The following LIPJ variants were observed in gnomAD, a reference collection of about 807,000 sequenced individuals.
LIPJ encodes lipase family member J.
Under a neutral mutation model 39.8 loss-of-function variants are expected in LIPJ, and 33 were observed. That is an observed-to-expected ratio of 0.83 (90% CI 0.63 to 1.11). The LOEUF is 1.11. LIPJ is among the 50% of genes least tolerant of loss of function. The probability of loss-of-function intolerance (pLI) is 0.00; values close to 1 mark genes in which losing one functional copy is unlikely to be tolerated. For synonymous variants in LIPJ, 128 were observed against 139.2 expected (o/e 0.92, Z 0.57); for missense variants, 422 against 427.9 (o/e 0.99, Z 0.12).
chr10:88,595,923 A>C (rs931352601), intron 6 of LIPJ, among the ~76,000 whole-genome samples: 1 of 151,582 alleles, frequency 6.6e-6, no homozygotes. Context: ...TGTCACCTAA[A>C]TTATAAGATT....
intron 2 of LIPJ, among the ~76,000 whole-genome samples, chr10:88,589,950 G>A (rs1341991466): frequency 4.0e-5 from 6 of 151,750 alleles, no homozygotes; most frequent in Non-Finnish European, 7.4e-5. Context: ...ATGTCCTTCT[G>A]AGTATAGTGG....
chr10:88,614,741 A>G, the LIPJ span, among the ~76,000 whole-genome samples: 1 of 152,148 alleles, frequency 6.6e-6, no homozygotes, highest in Non-Finnish European at 1.5e-5. Context: ...AGTGAAGAAA[A>G]TTGTTTTCAA....
intron 6 of LIPJ, among the ~76,000 whole-genome samples, chr10:88,595,345 T>A (rs2134554634): frequency 6.6e-6 from 1 of 151,866 alleles, no homozygotes; most frequent in Middle Eastern, 3.4e-3. Flanking sequence ...CATGGTACTG[T>A]AAACCTCTTT....
chr10:88,609,859 A>ACTGCACTC (rs1716409160), downstream of LIPJ, among the ~76,000 whole-genome samples: 1 of 146,206 alleles, frequency 6.8e-6, no homozygotes, highest in African/African-American at 2.5e-5. Context: ...AGATCATGCC[A>ACTGCACTC]CTGCACTCCA....
At chr10:88,589,498 T>A (rs560244014) in intron 2 of LIPJ, among the ~76,000 whole-genome samples, 10 of 151,912 alleles carry the variant, frequency 6.6e-5, no homozygotes, top group Non-Finnish European at 1.5e-4. Flanking sequence ...ATACCAAATA[T>A]AAATACCTGG....
chr10:88,609,049 C>T (rs528063371), downstream of LIPJ, among the ~76,000 whole-genome samples: 7 of 152,272 alleles, frequency 4.6e-5, no homozygotes, highest in African/African-American at 1.4e-4. Context: ...CAGGCCTGCT[C>T]CCCCCTGTGG....
intron 8 of LIPJ, among the ~76,000 whole-genome samples, chr10:88,597,561 G>A (rs1014269947): frequency 6.6e-6 from 1 of 151,866 alleles, no homozygotes. Flanking sequence ...GTTGGTTCTT[G>A]TACCTGGACC....
intron 8 of LIPJ, among the ~76,000 whole-genome samples, chr10:88,600,195 G>C (rs1025003070): frequency 1.3e-5 from 2 of 152,090 alleles, no homozygotes; most frequent in African/African-American, 4.8e-5. Flanking sequence ...GGGATACACT[G>C]AATTTCTTTC....
At chr10:88,587,489 T>A (rs1021958456) in intron 2 of LIPJ, 97 bp downstream of exon 2, 1 of 152,138 alleles carries the variant, frequency 6.6e-6, no homozygotes, top group Non-Finnish European at 1.5e-5. Context: ...TCAAGTCATC[T>A]TTTAGGAAAT....
upstream of LIPJ, chr10:88,583,289 T>C: frequency 7.1e-6 from 11 of 1,540,402 alleles, no homozygotes; most frequent in Non-Finnish European, 9.6e-6. Flanking sequence ...CGCTCTTTGG[T>C]TCCGTGCTCC....
At chr10:88,598,146 A>C (rs1432256290) in intron 8 of LIPJ, among the ~76,000 whole-genome samples, 2 of 151,984 alleles carry the variant, frequency 1.3e-5, no homozygotes, top group African/African-American at 2.4e-5. Context: ...GGAAATAGTT[A>C]ATTGTGAAAC....
chr10:88,621,283 G>A, the LIPJ span, among the ~76,000 whole-genome samples: 1 of 152,132 alleles, frequency 6.6e-6, no homozygotes, highest in African/African-American at 2.4e-5. Context: ...ACTGGTGAGT[G>A]ATAAACAGAG....
chr10:88,595,057 G>A lies in LIPJ; in HGVS notation c.439+281G>A, dbSNP rs570932197. ...TATCTATGTTATTTAAGATCAAAGT[G>A]AGATTGCCACTATTATTTGTTCTAC... is the stretch of plus-strand genomic sequence containing the variant. On this transcript the variant is annotated intron_variant, in intron 6 of 10. Transcript: ENST00000371939. Among the ~76,000 whole-genome samples, 61 of 151,886 alleles carry A rather than the reference G, an allele frequency of 4.0e-4. No homozygotes were observed. In the South Asian group the frequency reaches 0.012, roughly 31 times the overall value.
intron 2 of LIPJ, among the ~76,000 whole-genome samples, chr10:88,589,157 A>G (rs551478880): frequency 6.6e-6 from 1 of 152,046 alleles, no homozygotes; most frequent in Admixed American, 6.6e-5. Flanking sequence ...AATGCAAAGC[A>G]TCTTAAAACC....
the LIPJ span, among the ~76,000 whole-genome samples, chr10:88,613,871 TTA>T: frequency 1.4e-4 from 20 of 146,234 alleles, no homozygotes; most frequent in East Asian, 2.4e-3. Context: ...TATATGTATC[TTA>T]TATATGTTAC....
the LIPJ span, among the ~76,000 whole-genome samples, chr10:88,612,343 T>C: frequency 1.3e-5 from 2 of 152,066 alleles, no homozygotes; most frequent in South Asian, 4.1e-4. Context: ...ACCTGTATAA[T>C]AATAACACAA....
At chr10:88,591,481 A>G in exon 4 of LIPJ, 1 of 1,597,798 alleles carries the variant, frequency 6.3e-7, no homozygotes, top group Non-Finnish European at 8.5e-7. Context: ...TGGAGGACAG[A>G]CAATAATAAA....
chr10:88,599,815 G>A (rs1851409609), intron 8 of LIPJ, among the ~76,000 whole-genome samples: 1 of 150,784 alleles, frequency 6.6e-6, no homozygotes, highest in Admixed American at 6.6e-5. Flanking sequence ...TATGTCTTCA[G>A]TTATAGTATT....
intron 6 of LIPJ, 104 bp from the exon 7 acceptor site, chr10:88,596,176 C>A: frequency 1.3e-6 from 1 of 746,948 alleles, no homozygotes; most frequent in Non-Finnish European, 1.9e-6. Context: ...GTTAATTGTT[C>A]AGAAACTATT....
Sources: gnomAD v4.1 joint callset for allele counts (sites outside exome capture counted in the v4.1 genomes callset) on GRCh38, gnomAD v4.1.1 for gene constraint, MANE v1.5 for transcripts, NCBI Gene and HGNC (gene_info 2026-07-23, HGNC 2026-07-21) for gene names.